Variants in IPCEF1 observed in about 807,000 individuals in gnomAD.
IPCEF1 encodes the protein interactor protein for cytohesin exchange factors 1.
In IPCEF1, 31 loss-of-function variants were observed where a neutral mutation model predicts 50.9. The ratio of observed to expected loss-of-function variants is 0.61; its 90% CI spans 0.46 to 0.82. The LOEUF (loss-of-function observed/expected upper bound fraction) is 0.82, where lower values mean the gene tolerates loss of function less well. Ranked by LOEUF, IPCEF1 falls within the 40% of genes least tolerant of loss-of-function variation. The pLI is 0.00. For missense variants in IPCEF1, 458 were observed against 514.0 expected, an observed-to-expected ratio of 0.89 and a Z score of 1.05; for synonymous variants, 181 against 192.0, an observed-to-expected ratio of 0.94 and a Z score of 0.47.
chr6:154,256,336 G>C (rs552741963), intron 3 of IPCEF1, among the ~76,000 whole-genome samples: 81 of 152,228 alleles, frequency 5.3e-4, no homozygotes, highest in African/African-American at 1.8e-3. Flanking sequence ...ACTCTCAAAG[G>C]TTCCGCCTCC....
At chr6:154,333,116 C>G (rs1783709585) in intron 1 of IPCEF1, among the ~76,000 whole-genome samples, 2 of 152,174 alleles carry the variant, frequency 1.3e-5, no homozygotes, top group African/African-American at 4.8e-5. Flanking sequence ...GTTACTGGAA[C>G]TGAAGTCTTG....
intron 1 of IPCEF1, 134 bp from the exon 2 acceptor site, chr6:154,289,890 A>G (rs1782469695): frequency 6.6e-6 from 1 of 152,214 alleles, no homozygotes; most frequent in African/African-American, 2.4e-5. Flanking sequence ...GCAACAGAAC[A>G]GTAAGTTGAT....
chr6:154,211,383 C>T (rs1326959784), intron 9 of IPCEF1, among the ~76,000 whole-genome samples: 29 of 150,178 alleles, frequency 1.9e-4, no homozygotes, highest in Admixed American at 1.7e-3. Flanking sequence ...CACTCCAGGC[C>T]GGGTGACAGA....
chr6:154,175,846 A>G (rs1278018591), intron 10 of IPCEF1, among the ~76,000 whole-genome samples: 1 of 152,178 alleles, frequency 6.6e-6, no homozygotes, highest in Non-Finnish European at 1.5e-5. Flanking sequence ...TCCTGATACC[A>G]AAGCCTGGCA....
At chr6:154,160,332 A>G (rs982507115) in intron 11 of IPCEF1, among the ~76,000 whole-genome samples, 4 of 152,212 alleles carry the variant, frequency 2.6e-5, no homozygotes, top group Admixed American at 2.6e-4. Flanking sequence ...CACCACAGTA[A>G]CAATTCTACC....
chr6:154,220,895 G>T (rs546842336), intron 7 of IPCEF1, among the ~76,000 whole-genome samples: 1 of 152,182 alleles, frequency 6.6e-6, no homozygotes, highest in African/African-American at 2.4e-5. Context: ...TATATTAAAC[G>T]CTATAGCAAT....
intron 1 of IPCEF1, among the ~76,000 whole-genome samples, chr6:154,291,972 C>T (rs1159065768): frequency 1.3e-5 from 2 of 152,082 alleles, no homozygotes; most frequent in Non-Finnish European, 2.9e-5. Context: ...CTTGAGCCAT[C>T]GCGCCTGGCC....
At chr6:154,256,537 G>GTC (rs10644644) in intron 3 of IPCEF1, among the ~76,000 whole-genome samples, 43,963 of 145,940 alleles carry the variant, frequency 0.3, 6,979 homozygotes, top group East Asian at 0.71. Context: ...CTCTGTCTCC[G>GTC]TCTCTCTCTC....
chr6:154,253,824 TC>T, intron 3 of IPCEF1, among the ~76,000 whole-genome samples: 1 of 152,326 alleles, frequency 6.6e-6, no homozygotes, highest in South Asian at 2.1e-4. Context: ...TACATCTCCT[TC>T]TACCTGTTTA....
chr6:154,198,506 G>GAGGCC (rs1341334336), intron 10 of IPCEF1, among the ~76,000 whole-genome samples: 6 of 152,174 alleles, frequency 3.9e-5, no homozygotes, highest in African/African-American at 1.2e-4. Flanking sequence ...AATGCCATCA[G>GAGGCC]AGGCCAGGCA....
At position 154,313,067 on chromosome 6, in the gene IPCEF1, C is replaced by CAAAAAAAAAAAA. The variant is rs71021040; in HGVS notation, c.-61-23323_-61-23312dup. Among the ~76,000 whole-genome samples, 43 of 59,022 alleles carry CAAAAAAAAAAAA rather than the reference C, an allele frequency of 7.3e-4. 9 individuals carry two copies. The highest frequency in any genetic ancestry group is 4.0e-3 in the South Asian group (4 of 1,000). 38.7% of individuals were successfully genotyped at this position (59,022 alleles called of 152,430 possible). A position where few individuals can be genotyped will look rare whatever the true frequency, so the allele number is the denominator to read the frequency against. Reference sequence around the variant, plus strand: ...CACTGCAGGCTGTGAGGCCCTGTCTCAAAAAAAAAAAAAAAAAAACATGGC... The same window carrying CAAAAAAAAAAAA: ...CACTGCAGGCTGTGAGGCCCTGTCTCAAAAAAAAAAAAAAAAAAAAAAAAAAAAAAACATGGC... On this transcript the variant is annotated intron_variant, in intron 1 of 11. Transcript: ENST00000367220.
intron 2 of IPCEF1, among the ~76,000 whole-genome samples, chr6:154,275,917 C>T (rs538342946): frequency 7.9e-5 from 12 of 152,166 alleles, no homozygotes; most frequent in African/African-American, 2.4e-4. Flanking sequence ...CAGTGACTCA[C>T]GCCTGTAATC....
At chr6:154,308,833 T>C (rs190279621) in intron 1 of IPCEF1, among the ~76,000 whole-genome samples, 33 of 152,396 alleles carry the variant, frequency 2.2e-4, no homozygotes, top group East Asian at 1.2e-3. Flanking sequence ...TACTTTAGAA[T>C]GTTCTCTTTG....
At chr6:154,213,909 C>T (rs1183128758) in intron 8 of IPCEF1, among the ~76,000 whole-genome samples, 2 of 152,164 alleles carry the variant, frequency 1.3e-5, no homozygotes, top group Non-Finnish European at 2.9e-5. Context: ...TCATGTCTAT[C>T]AGTAAGAATT....
At chr6:154,229,506 C>T (rs1779553780) in intron 5 of IPCEF1, among the ~76,000 whole-genome samples, 1 of 151,386 alleles carries the variant, frequency 6.6e-6, no homozygotes, top group African/African-American at 2.4e-5. Flanking sequence ...CCCGCCACCA[C>T]ACCCGGCTCA....
intron 3 of IPCEF1, among the ~76,000 whole-genome samples, chr6:154,248,878 G>A (rs6935917): frequency 0.12 from 18,822 of 151,850 alleles, 2,147 homozygotes; most frequent in East Asian, 0.67. Flanking sequence ...ATATTATATC[G>A]TTGAGATAAA....
intron 7 of IPCEF1, among the ~76,000 whole-genome samples, chr6:154,214,906 C>T (rs1424150290): frequency 6.6e-6 from 1 of 152,194 alleles, no homozygotes; most frequent in African/African-American, 2.4e-5. Flanking sequence ...GAGACAGAAA[C>T]TCAAACTTGG....
intron 1 of IPCEF1, among the ~76,000 whole-genome samples, chr6:154,296,929 G>C (rs2128672536): frequency 6.6e-6 from 1 of 152,238 alleles, no homozygotes. Flanking sequence ...CAGGGCCCCA[G>C]CCACAGTGGA....
chr6:154,177,714 T>G (rs1357951007), intron 10 of IPCEF1, among the ~76,000 whole-genome samples: 2 of 152,314 alleles, frequency 1.3e-5, no homozygotes, highest in East Asian at 3.9e-4. Flanking sequence ...GTTCAACCAT[T>G]GTGGAAGACA....
Sources: allele counts gnomAD v4.1 joint callset (sites outside exome capture counted in the v4.1 genomes callset), GRCh38; gene constraint gnomAD v4.1.1; transcripts MANE v1.5; gene names NCBI Gene and HGNC (gene_info 2026-07-23, HGNC 2026-07-21).